The following ROS1 variants were observed in gnomAD, a reference collection of about 807,000 sequenced individuals.
ROS1 encodes the protein ROS proto-oncogene 1, receptor tyrosine kinase, also known as proto-oncogene tyrosine-protein kinase ROS.
ROS1 carries 263 observed loss-of-function variants against 273.5 expected under a neutral mutation model. The ratio of observed to expected loss-of-function variants is 0.96; its 90% CI spans 0.87 to 1.06. ROS1 has a LOEUF of 1.06. ROS1 is among the 50% of genes least tolerant of loss of function. ROS1 has a pLI of 0.00. For missense variants in ROS1, 2,833 were observed against 2,751.1 expected (o/e 1.03, Z -0.67); for synonymous variants, 1,008 against 954.1 (o/e 1.06, Z -1.04).
chr6:117,384,001 G>A (rs1772367138), intron 16 of ROS1, among the ~76,000 whole-genome samples: 1 of 152,156 alleles, frequency 6.6e-6, no homozygotes, highest in Admixed American at 6.6e-5. Flanking sequence ...TTAAGCTTAT[G>A]AAGGATTTCT....
chr6:117,386,867 G>T, intron 15 of ROS1, 22 bp downstream of exon 15: 7 of 1,225,036 alleles, frequency 5.7e-6, no homozygotes, highest in South Asian at 1.3e-5. Flanking sequence ...TCATTCAAGT[G>T]AACAGAGGAC....
intron 39 of ROS1, among the ~76,000 whole-genome samples, chr6:117,314,699 C>A (rs558538981): frequency 3.7e-4 from 56 of 152,220 alleles, no homozygotes; most frequent in Admixed American, 3.1e-3. Flanking sequence ...ACCTCCAGCC[C>A]CCTCTAAACG....
chr6:117,352,881 G>A, intron 27 of ROS1, 109 bp downstream of exon 27: 3 of 941,030 alleles, frequency 3.2e-6, no homozygotes, highest in South Asian at 1.7e-5. Context: ...GAGCAAGGAT[G>A]AGAGCACAAC....
At chr6:117,341,104 C>T (rs761214809) in intron 31 of ROS1, 31 bp downstream of exon 31, 3 of 1,451,140 alleles carry the variant, frequency 2.1e-6, no homozygotes, top group South Asian at 2.5e-5. Context: ...TATTCTATAT[C>T]ATAAAATAAA....
intron 1 of ROS1, among the ~76,000 whole-genome samples, chr6:117,419,402 G>C (rs773430977): frequency 3.9e-5 from 6 of 152,132 alleles, no homozygotes; most frequent in Non-Finnish European, 8.8e-5. Flanking sequence ...AAGAACCAAA[G>C]AACAAATGTT....
At position 117,306,794 on chromosome 6, in the gene ROS1, A is replaced by G. The variant is rs543576583; in HGVS notation, c.6551+2000T>C. 3.3e-5 allele frequency among the ~76,000 whole-genome samples: 5 copies of G among 152,184 alleles called. No homozygotes were observed. In the South Asian group the frequency reaches 1.0e-3, roughly 32 times the overall value. ...ATCTTTATCATGACAACTTAAGGCCATGGCCAGATTGAATGGTATTGCTGA... is the reference window on the plus strand; with the variant it reads ...ATCTTTATCATGACAACTTAAGGCCGTGGCCAGATTGAATGGTATTGCTGA... On this transcript the variant is annotated intron_variant, in intron 42 of 43. Coordinates refer to ENST00000368507, the MANE Select transcript of ROS1 (RefSeq NM_001378902.1).
chr6:117,303,296 A>G (rs1318429600), intron 42 of ROS1, among the ~76,000 whole-genome samples: 1 of 152,230 alleles, frequency 6.6e-6, no homozygotes, highest in Non-Finnish European at 1.5e-5. Context: ...ATCACAAATT[A>G]TAAGTTCTTT....
At chr6:117,382,915 C>T (rs1772270655) in intron 17 of ROS1, among the ~76,000 whole-genome samples, 1 of 152,028 alleles carries the variant, frequency 6.6e-6, no homozygotes, top group African/African-American at 2.4e-5. Flanking sequence ...GTTTTTAAAA[C>T]AGTCAGTGCC....
chr6:117,418,906 A>G (rs1188085446), intron 1 of ROS1, among the ~76,000 whole-genome samples: 1 of 152,218 alleles, frequency 6.6e-6, no homozygotes, highest in East Asian at 1.9e-4. Flanking sequence ...GTAGTAAAAC[A>G]TAAGATTACT....
In ROS1 at chr6:117,337,154, G is replaced by T; in HGVS notation, c.5230+18C>A. On this transcript the variant is annotated intron_variant, in intron 32 of 43. Transcript: ENST00000368507. ...TGAAACACAGAGTTTTCTGAGTATT[G>T]AGTATGTTAGTACTCACCTTTTGTC... 2 of 1,594,622 alleles carry T rather than the reference G, an allele frequency of 1.3e-6. No homozygotes were observed. The highest frequency in any genetic ancestry group is 2.3e-5 in the South Asian group (2 of 87,262).
rs1256328685 is a variant in ROS1 at position 117,324,394 on chromosome 6, G to A, written c.5561C>T (p.Thr1854Ile). 3 of 1,485,350 alleles carry A rather than the reference G, an allele frequency of 2.0e-6. No individual in the cohort carries two copies. The highest frequency in any genetic ancestry group is 2.8e-6 in the Non-Finnish European group (3 of 1,073,914). The allele number at this position is 1,485,350 out of a possible 1,614,324, so 92.0% of individuals were successfully genotyped here. Residue 1854 changes from threonine (T) to isoleucine (I), a missense_variant, in exon 35 of 44, where the codon ACA (threonine) becomes ATA (isoleucine). By Grantham distance (89) the Thr-to-Ile change is moderately conservative. Transcript: ENST00000368507. The stretch of plus-strand genomic sequence containing the variant: ...AACTATAATAGTAAGTATGAAACTT[G>A]TTTCTGGTATCCAAAAATCATCTAA... ...LVGDDFWIPETSFILTIIVGI... is the reference protein window; with the variant it reads ...LVGDDFWIPEISFILTIIVGI...
At chr6:117,351,453 G>GA (rs973157673) in intron 27 of ROS1, among the ~76,000 whole-genome samples, 2 of 151,994 alleles carry the variant, frequency 1.3e-5, no homozygotes, top group East Asian at 1.9e-4. Flanking sequence ...GATTCTCTAA[G>GA]AAAAAAACCA....
chr6:117,329,946 T>A (rs1400233775), intron 32 of ROS1, among the ~76,000 whole-genome samples: 2 of 152,156 alleles, frequency 1.3e-5, no homozygotes, highest in African/African-American at 2.4e-5. Flanking sequence ...CTAAGCTTAC[T>A]GAACTCCCTG....
At chr6:117,326,481 ATCT>A (rs1582629668) in intron 33 of ROS1, 67 bp from the exon 34 acceptor site, 1 of 997,670 alleles carries the variant, frequency 1.0e-6, no homozygotes, top group East Asian at 3.0e-5. Flanking sequence ...TTGTTCATAG[ATCT>A]TCTTAGTGAC....
At chr6:117,302,914 A>G (rs946889537) in intron 42 of ROS1, among the ~76,000 whole-genome samples, 1 of 152,170 alleles carries the variant, frequency 6.6e-6, no homozygotes, top group Non-Finnish European at 1.5e-5. Context: ...TTCCAAACCC[A>G]GATATCCAGT....
intron 15 of ROS1, among the ~76,000 whole-genome samples, chr6:117,386,223 C>A (rs972109024): frequency 6.6e-6 from 1 of 152,230 alleles, no homozygotes; most frequent in Non-Finnish European, 1.5e-5. Flanking sequence ...ACAGATACAT[C>A]AAGAGGAAGC....
rs773381586 is a variant in ROS1 at position 117,310,182 on chromosome 6, T to A, written c.6315A>T (p.Lys2105Asn). 4 of 1,613,256 alleles carry A rather than the reference T, an allele frequency of 2.5e-6. No individual in the cohort carries two copies. The highest frequency in any genetic ancestry group is 2.5e-6 in the Non-Finnish European group (3 of 1,179,438). Residue 2105 changes from lysine (K) to asparagine (N), a missense_variant, in exon 41 of 44, where the codon AAA (lysine) becomes AAT (asparagine). Transcript: ENST00000368507. ...CCCCTCTCTTTCTATAGTAATCATT[T>A]TTATAGATGTCTCTGGCGAGTCCAA... is the stretch of plus-strand genomic sequence containing the variant. ...GDFGLARDIYKNDYYRKRGEG... is the reference protein window; with the variant it reads ...GDFGLARDIYNNDYYRKRGEG...
chr6:117,290,783 A>AG (rs1359893049), intron 43 of ROS1, among the ~76,000 whole-genome samples: 1 of 152,166 alleles, frequency 6.6e-6, no homozygotes, highest in East Asian at 1.9e-4. Flanking sequence ...GTAGGACCAC[A>AG]GGATAGGCAT....
At chr6:117,337,503 A>G (rs1562285642) in intron 31 of ROS1, among the ~76,000 whole-genome samples, 163 bp from the exon 32 acceptor site, 1 of 152,130 alleles carries the variant, frequency 6.6e-6, no homozygotes, top group African/African-American at 2.4e-5. Flanking sequence ...CCCACTGCCT[A>G]TAGTCGTTTT....
Sources: gnomAD v4.1 joint callset for allele counts (sites outside exome capture counted in the v4.1 genomes callset) on GRCh38, gnomAD v4.1.1 for gene constraint, MANE v1.5 for transcripts, NCBI Gene and HGNC (gene_info 2026-07-23, HGNC 2026-07-21) for gene names.